HAUS8: variants seen among roughly 807,000 people sequenced by gnomAD.
HAUS8 encodes HAUS augmin like complex subunit 8.
Under a neutral mutation model 42.9 loss-of-function variants are expected in HAUS8, and 38 were observed. The ratio of observed to expected loss-of-function variants is 0.89; its 90% CI spans 0.68 to 1.16. The LOEUF (loss-of-function observed/expected upper bound fraction) is 1.16, where lower values mean the gene tolerates loss of function less well. Among genes scored for constraint, HAUS8 ranks in the 50% most tolerant of loss-of-function variants. HAUS8 has a pLI of 0.00. For synonymous variants in HAUS8, 199 were observed against 205.8 expected (o/e 0.97, Z 0.28); for missense variants, 494 against 511.6 (o/e 0.97, Z 0.33).
chr19:17,054,281 C>T (rs1378691043), intron 9 of HAUS8, among the ~76,000 whole-genome samples: 3 of 152,120 alleles, frequency 2.0e-5, no homozygotes, highest in Non-Finnish European at 2.9e-5. Flanking sequence ...TAGGCCGTTC[C>T]CAGGAACTAC....
intron 2 of HAUS8, 97 bp downstream of exon 2, chr19:17,073,177 C>T (rs1599995947): frequency 7.4e-6 from 8 of 1,080,684 alleles, no homozygotes; most frequent in African/African-American, 4.7e-5. Flanking sequence ...GAAGTAAAGC[C>T]ACAGGCCCCC....
chr19:17,074,404 G>A (rs2057451262), intron 1 of HAUS8: 1 of 152,414 alleles, frequency 6.6e-6, no homozygotes, highest in Non-Finnish European at 1.5e-5. Flanking sequence ...CTTAGCAAAT[G>A]TTCGCCAGGT....
intron 3 of HAUS8, among the ~76,000 whole-genome samples, chr19:17,067,984 T>C (rs2057396958): frequency 1.3e-5 from 2 of 152,222 alleles, no homozygotes; most frequent in Admixed American, 1.3e-4. Context: ...GGTTTCACGA[T>C]ATTTCATGGT....
chr19:17,059,960 C>G (rs767538670), intron 5 of HAUS8, 37 bp downstream of exon 5: 2 of 1,455,160 alleles, frequency 1.4e-6, no homozygotes, highest in Admixed American at 3.3e-5. Flanking sequence ...ACTGCAACCC[C>G]CAGTGAGTGA....
chr19:17,058,721 A>C lies in HAUS8; in HGVS notation c.487-14T>G. On this transcript the variant is annotated splice_polypyrimidine_tract_variant and intron_variant, in intron 7 of 10. Coordinates refer to ENST00000253669, the MANE Select transcript of HAUS8 (RefSeq NM_033417.2). ...ATTGTTCTCCATCTGTTAAATGTGAAAGAAAAGCTCAAGCAGGTGGGGACT... is the reference window on the plus strand; with the variant it reads ...ATTGTTCTCCATCTGTTAAATGTGACAGAAAAGCTCAAGCAGGTGGGGACT... 2 of 1,603,728 alleles carry C rather than the reference A, an allele frequency of 1.2e-6. No homozygotes were observed. The highest frequency in any genetic ancestry group is 2.7e-5 in the African/African-American group (2 of 74,310).
At chr19:17,050,295 G>T in intron 10 of HAUS8, 119 bp from the exon 11 acceptor site, 1 of 602,622 alleles carries the variant, frequency 1.7e-6, no homozygotes, top group Non-Finnish European at 2.6e-6. Context: ...CGTGCTCAGT[G>T]GGAAAGGGCC....
At chr19:17,052,658 G>A in intron 10 of HAUS8, 167 bp downstream of exon 10, 1 of 688,788 alleles carries the variant, frequency 1.5e-6, no homozygotes, top group Non-Finnish European at 2.5e-6. Context: ...AATGACACCT[G>A]CTGGCCATTC....
rs35557167 is a variant in HAUS8 at position 17,061,077 on chromosome 19, G to A, written c.230-985C>T. Among the ~76,000 whole-genome samples, 13 of 151,996 alleles carry A rather than the reference G, an allele frequency of 8.6e-5. No individual in the cohort carries two copies. In the East Asian group the frequency reaches 2.5e-3, roughly 29 times the overall value. ...GGAAAGATCAGCAAAAATCTATTGAGAGCACATGCCCTCAGGGCACAGACT... is the reference window on the plus strand; with the variant it reads ...GGAAAGATCAGCAAAAATCTATTGAAAGCACATGCCCTCAGGGCACAGACT... On this transcript the variant is annotated intron_variant, in intron 4 of 10. Coordinates refer to ENST00000253669, the MANE Select transcript of HAUS8 (RefSeq NM_033417.2).
At position 17,075,410 on chromosome 19, in the gene HAUS8, A is replaced by T. The variant is rs755503276; in HGVS notation, c.13T>A (p.Ser5Thr). 3.1e-6 allele frequency: 5 copies of T among 1,613,698 alleles called. No individual in the cohort carries two copies. Among genetic ancestry groups the T allele is most frequent in the Non-Finnish European group, 3.4e-6 (4 of 1,179,902 alleles). ...CCAACTCACCCAGCGCCTCGCCCCG[A>T]GGAATCCGCCATTTTCCCGCCTTCC... MADS[S>T]GRGAGKPATG... Residue 5 changes from serine to threonine, a missense_variant, in exon 1 of 11, where the codon TCG (serine) becomes ACG (threonine). By Grantham distance (58) the Ser-to-Thr change is moderately conservative (BLOSUM62 1). Coordinates refer to ENST00000253669, the MANE Select transcript of HAUS8 (RefSeq NM_033417.2).
chr19:17,062,612 GA>G, intron 4 of HAUS8, 85 bp downstream of exon 4: 1 of 986,128 alleles, frequency 1.0e-6, no homozygotes, highest in Admixed American at 1.7e-5. Flanking sequence ...TCCCAGAAAG[GA>G]AAGAAGGAAC....
At chr19:17,063,604 T>G (rs2057372978) in intron 3 of HAUS8, among the ~76,000 whole-genome samples, 1 of 152,202 alleles carries the variant, frequency 6.6e-6, no homozygotes, top group African/African-American at 2.4e-5. Flanking sequence ...TGAACATTTT[T>G]GGGTGTGTCT....
rs532951731 is a variant in HAUS8, at chr19:17,075,185, C to G, written c.29+209G>C. The G allele has an allele frequency of 4.3e-3, 2,438 of 565,126 alleles. 29 individuals are homozygous for G. The highest frequency in any genetic ancestry group is 0.019 in the South Asian group (834 of 44,148). The allele number at this position is 565,126 out of a possible 1,614,324, so 35.0% of individuals were successfully genotyped here. A position where few individuals can be genotyped will look rare whatever the true frequency, so the allele number is the denominator to read the frequency against. On this transcript the variant is annotated intron_variant, in intron 1 of 10. Transcript: ENST00000253669. ...GCCGGAGGTCGCCCAGCGTCCCAGCCGAGGACGCGGAACTCAGGGCCGGTC... is the reference window on the plus strand; with the variant it reads ...GCCGGAGGTCGCCCAGCGTCCCAGCGGAGGACGCGGAACTCAGGGCCGGTC...
chr19:17,060,925 G>C (rs766811470), intron 4 of HAUS8, among the ~76,000 whole-genome samples: 1 of 152,206 alleles, frequency 6.6e-6, no homozygotes, highest in Non-Finnish European at 1.5e-5. Flanking sequence ...AACTAAGCAT[G>C]AGACTATTTC....
intron 3 of HAUS8, 84 bp downstream of exon 3, chr19:17,068,944 GACC>G: frequency 1.6e-6 from 2 of 1,225,058 alleles, no homozygotes; most frequent in Admixed American, 1.9e-5. Flanking sequence ...ACCAGGTTGT[GACC>G]ACCTCCCATG....
intron 3 of HAUS8, among the ~76,000 whole-genome samples, chr19:17,068,042 C>T (rs1036834540): frequency 1.3e-5 from 2 of 150,284 alleles, no homozygotes; most frequent in East Asian, 2.0e-4. Context: ...TCGGAGTGAT[C>T]GAAGGATGTC....
intron 9 of HAUS8, chr19:17,055,134 AAAAAAAAAAATATATATATATATATAT>A (rs2057313449): frequency 2.6e-5 from 1 of 39,014 alleles, no homozygotes; most frequent in Non-Finnish European, 4.4e-5. Flanking sequence ...AAAAAAAAAA[AAAAAAAAAAATATATATATATATATAT>A]ATATATATAT....
intron 3 of HAUS8, among the ~76,000 whole-genome samples, chr19:17,067,932 G>A (rs992564259): frequency 2.6e-5 from 4 of 152,056 alleles, no homozygotes; most frequent in Admixed American, 1.3e-4. Context: ...CACAAAGCAC[G>A]TTCTCACGTG....
Position 17,050,577 on chromosome 19 carries a change from T to C in HAUS8, c.930-401A>G, listed in dbSNP as rs559270352. ...GAGTTCGAGACCAGCCTGGGCAACA[T>C]GGCAAAACCACGTCTATACAAAAAT... On this transcript the variant is annotated intron_variant, in intron 10 of 10. Coordinates refer to ENST00000253669, the MANE Select transcript of HAUS8 (RefSeq NM_033417.2). Among the ~76,000 whole-genome samples, 108 of 152,214 alleles carry C rather than the reference T, an allele frequency of 7.1e-4. 1 individual carries two copies. Among genetic ancestry groups the C allele is most frequent in the African/African-American group, 2.1e-3 (88 of 41,548 alleles).
At chr19:17,060,373 G>T in intron 4 of HAUS8, 1 of 334,744 alleles carries the variant, frequency 3.0e-6, no homozygotes, top group Non-Finnish European at 5.5e-6. Context: ...GCTACAGGTG[G>T]GATACGATGC....
Sources: allele counts gnomAD v4.1 joint callset (sites outside exome capture counted in the v4.1 genomes callset), GRCh38; gene constraint gnomAD v4.1.1; transcripts MANE v1.5; gene names NCBI Gene and HGNC (gene_info 2026-07-23, HGNC 2026-07-21).